ARK2C: variants seen among roughly 807,000 people sequenced by gnomAD.
The protein encoded by ARK2C is E3 ubiquitin-protein ligase ARK2C.
At chr18:46,358,508 TC>T in the ARK2C span, among the ~76,000 whole-genome samples, 1 of 152,162 alleles carries the variant, frequency 6.6e-6, no homozygotes, top group South Asian at 2.1e-4. Context: ...CACTTGCTCC[TC>T]CCCTGAAGGA....
chr18:46,399,943 C>A, the ARK2C span, among the ~76,000 whole-genome samples: 1 of 152,310 alleles, frequency 6.6e-6, no homozygotes, highest in African/African-American at 2.4e-5. Flanking sequence ...TCACATGAAA[C>A]CCTGCAAGGT....
chr18:46,432,027 C>T, the ARK2C span, among the ~76,000 whole-genome samples: 1 of 152,168 alleles, frequency 6.6e-6, no homozygotes, highest in Non-Finnish European at 1.5e-5. Context: ...CTGTCCTTGT[C>T]TGTTTATTGT....
the ARK2C span, among the ~76,000 whole-genome samples, chr18:46,347,212 C>T: frequency 6.6e-6 from 1 of 152,292 alleles, no homozygotes; most frequent in South Asian, 2.1e-4. Context: ...CCATGTAGGC[C>T]CAGATCTGAT....
chr18:46,441,400 C>T, the ARK2C span, among the ~76,000 whole-genome samples: 3 of 152,142 alleles, frequency 2.0e-5, no homozygotes, highest in African/African-American at 7.2e-5. Context: ...GGTAGTTTGT[C>T]TTTCAATAAA....
the ARK2C span, among the ~76,000 whole-genome samples, chr18:46,407,731 G>T: frequency 6.6e-6 from 1 of 152,210 alleles, no homozygotes; most frequent in Non-Finnish European, 1.5e-5. Context: ...GGGAGCTGGT[G>T]CTGGGCTCAA....
the ARK2C span, among the ~76,000 whole-genome samples, chr18:46,391,371 G>A: frequency 2.0e-5 from 3 of 152,264 alleles, no homozygotes; most frequent in Middle Eastern, 3.4e-3. Flanking sequence ...CTTTCAGGTT[G>A]TCCTGGGAAT....
At chr18:46,440,122 C>T in the ARK2C span, among the ~76,000 whole-genome samples, 1 of 152,196 alleles carries the variant, frequency 6.6e-6, no homozygotes. Context: ...GCCACCACGC[C>T]CAGATCTCAT....
chr18:46,337,065 G>A, the ARK2C span: 13 of 985,262 alleles, frequency 1.3e-5, no homozygotes, highest in Non-Finnish European at 1.6e-5. Flanking sequence ...TTAACAGCCG[G>A]CTCCCTTCTG....
At chr18:46,338,188 G>A in the ARK2C span, among the ~76,000 whole-genome samples, 1 of 152,146 alleles carries the variant, frequency 6.6e-6, no homozygotes, top group East Asian at 1.9e-4. Flanking sequence ...TCATGCTGGG[G>A]GTGACATGTT....
chr18:46,381,201 C>G, the ARK2C span, among the ~76,000 whole-genome samples: 62,994 of 152,192 alleles, frequency 0.41, 13,286 homozygotes, highest in Middle Eastern at 0.55. Context: ...TGGGATAAGG[C>G]CAGGCACTGC....
chr18:46,453,267 T>C, the ARK2C span, among the ~76,000 whole-genome samples: 1 of 152,318 alleles, frequency 6.6e-6, no homozygotes, highest in South Asian at 2.1e-4. Context: ...AAAATGATCA[T>C]TCTCTGGAGA....
the ARK2C span, among the ~76,000 whole-genome samples, chr18:46,405,776 G>T: frequency 3.3e-5 from 5 of 151,644 alleles, no homozygotes; most frequent in South Asian, 4.2e-4. Flanking sequence ...TCCAGGCAAA[G>T]AATTTCTTAA....
At chr18:46,392,099 C>T in the ARK2C span, among the ~76,000 whole-genome samples, 38,747 of 151,854 alleles carry the variant, frequency 0.26, 6,238 homozygotes, top group South Asian at 0.39. Context: ...ACACACACCA[C>T]GCATACACAC....
the ARK2C span, among the ~76,000 whole-genome samples, chr18:46,390,549 G>A: frequency 1.3e-5 from 2 of 152,274 alleles, no homozygotes; most frequent in South Asian, 2.1e-4. Context: ...CATATTTAAA[G>A]CTTGTGGAGT....
chr18:46,450,415 C>T, the ARK2C span: 6 of 1,552,382 alleles, frequency 3.9e-6, no homozygotes, highest in Non-Finnish European at 5.3e-6. Context: ...GTTGCTCTGT[C>T]TGGTACCAAC....
the ARK2C span, among the ~76,000 whole-genome samples, chr18:46,351,839 C>T: frequency 3.3e-5 from 5 of 152,172 alleles, no homozygotes; most frequent in South Asian, 2.1e-4. Context: ...CAATCCACTG[C>T]GCACAAACAT....
chr18:46,374,842 T>G, the ARK2C span, among the ~76,000 whole-genome samples: 1 of 152,198 alleles, frequency 6.6e-6, no homozygotes, highest in Admixed American at 6.5e-5. Flanking sequence ...AGTGCCTGCA[T>G]GCCTGGAGAG....
the ARK2C span, among the ~76,000 whole-genome samples, chr18:46,377,367 A>G: frequency 2.0e-4 from 30 of 152,266 alleles, no homozygotes; most frequent in African/African-American, 6.7e-4. Context: ...TAGACACACA[A>G]TGATGTGTGT....
chr18:46,460,327 C>T, the ARK2C span: 7 of 151,610 alleles, frequency 4.6e-5, no homozygotes, highest in Non-Finnish European at 1.0e-4. Flanking sequence ...CTCCTGCGCG[C>T]GTAGAGCAAA....
Sources: allele counts gnomAD v4.1 joint callset (sites outside exome capture counted in the v4.1 genomes callset), GRCh38; gene constraint gnomAD v4.1.1; transcripts MANE v1.5; gene names NCBI Gene and HGNC (gene_info 2026-07-23, HGNC 2026-07-21).